Variants in DOCK1 observed in about 807,000 individuals in gnomAD.
DOCK1 encodes the protein dedicator of cytokinesis protein 1.
In DOCK1, 138 loss-of-function variants were observed where a neutral mutation model predicts 262.7. The observed-to-expected ratio is 0.53, with a 90% CI of 0.46 to 0.61. The LOEUF is 0.61. Among genes scored for constraint, DOCK1 ranks in the 20% least tolerant of loss-of-function variants. The probability of loss-of-function intolerance (pLI) is 0.00; values close to 1 mark genes in which losing one functional copy is unlikely to be tolerated. For synonymous variants in DOCK1, 866 were observed against 867.4 expected (o/e 1.00, Z 0.03); for missense variants, 1,908 against 2,370.7 (o/e 0.80, Z 4.05).
At chr10:127,374,862 C>T (rs1167728377) in intron 35 of DOCK1, among the ~76,000 whole-genome samples, 1 of 152,208 alleles carries the variant, frequency 6.6e-6, no homozygotes, top group Non-Finnish European at 1.5e-5. Context: ...GAAGGATCCC[C>T]CCCTAGAGCT....
intron 6 of DOCK1, among the ~76,000 whole-genome samples, chr10:126,991,518 GT>G (rs1176056258): frequency 4.7e-5 from 7 of 147,860 alleles, no homozygotes; most frequent in African/African-American, 7.4e-5. Flanking sequence ...AATCTCCAGT[GT>G]TTTTTTTTTG....
At chr10:127,148,706 G>A (rs2052167906) in intron 27 of DOCK1, among the ~76,000 whole-genome samples, 1 of 152,184 alleles carries the variant, frequency 6.6e-6, no homozygotes, top group Non-Finnish European at 1.5e-5. Flanking sequence ...AGCTGCTTAT[G>A]AGCAAAGATT....
chr10:127,356,254 C>A (rs2064138570), intron 32 of DOCK1, among the ~76,000 whole-genome samples: 1 of 152,148 alleles, frequency 6.6e-6, no homozygotes, highest in South Asian at 2.1e-4. Context: ...GGCTCAGAGT[C>A]AAGAGAGATG....
chr10:127,419,155 T>G (rs989253966), intron 45 of DOCK1, among the ~76,000 whole-genome samples: 1 of 152,204 alleles, frequency 6.6e-6, no homozygotes, highest in Non-Finnish European at 1.5e-5. Flanking sequence ...CCACAACACC[T>G]AAAATGTTTA....
intron 21 of DOCK1, among the ~76,000 whole-genome samples, chr10:127,045,680 C>G (rs1348759560): frequency 6.6e-6 from 1 of 152,192 alleles, no homozygotes; most frequent in Admixed American, 6.5e-5. Flanking sequence ...TCTGCGGCTC[C>G]CCTGCGTGGG....
At chr10:127,173,645 T>A (rs1486505065) in intron 27 of DOCK1, among the ~76,000 whole-genome samples, 3 of 152,174 alleles carry the variant, frequency 2.0e-5, no homozygotes. Flanking sequence ...TTTAATTCAC[T>A]ACCAACTATA....
At chr10:127,168,359 A>C (rs960298509) in intron 27 of DOCK1, among the ~76,000 whole-genome samples, 2 of 152,274 alleles carry the variant, frequency 1.3e-5, no homozygotes, top group Non-Finnish European at 2.9e-5. Flanking sequence ...CCATTCAAAT[A>C]GGGAGTGCTA....
intron 23 of DOCK1, among the ~76,000 whole-genome samples, chr10:127,090,412 G>A (rs2047447968): frequency 6.6e-6 from 1 of 152,160 alleles, no homozygotes; most frequent in Middle Eastern, 3.4e-3. Context: ...AGTATGCAAA[G>A]GTCACCCGGT....
chr10:126,985,220 C>G (rs182047654), intron 4 of DOCK1, among the ~76,000 whole-genome samples: 12 of 152,214 alleles, frequency 7.9e-5, no homozygotes, highest in Non-Finnish European at 1.6e-4. Flanking sequence ...ACCTCACGTG[C>G]TCTACCCGCT....
intron 29 of DOCK1, among the ~76,000 whole-genome samples, chr10:127,261,608 T>C (rs1441267402): frequency 8.8e-6 from 1 of 113,904 alleles, no homozygotes; most frequent in Non-Finnish European, 1.8e-5. Context: ...TGCCTGCATG[T>C]ACCCGTGCTC....
At position 127,439,081 on chromosome 10, in the gene DOCK1, G is replaced by T. The variant is rs1013901279; in HGVS notation, c.5115G>T (p.Lys1705Asn). 1.3e-5 allele frequency: 21 copies of T among 1,560,994 alleles called. No individual in the cohort carries two copies. The highest frequency in any genetic ancestry group is 1.8e-5 in the Non-Finnish European group (21 of 1,152,188). ...AAATGCACTCCAGGTCCCAGGACAAGCTGGACAAGGATGACCTGGAGAAGG... is the reference window on the plus strand; with the variant it reads ...AAATGCACTCCAGGTCCCAGGACAATCTGGACAAGGATGACCTGGAGAAGG... ...PKKMHSRSQD[K>N]LDKDDLEKEK... The change falls in exon 49 of 52, where the codon AAG becomes AAT. Residue 1705 changes from lysine to asparagine, a missense_variant. Lys to Asn is a moderately conservative substitution (Grantham distance 94). Around this residue, in one of 9 missense-constraint regions of DOCK1, gnomAD observed 383 missense variants for 420.1 expected, o/e 0.91. Coordinates refer to ENST00000623213, the MANE Select transcript of DOCK1 (RefSeq NM_001290223.2).
chr10:127,017,140 CACAGAT>C (rs2042024341), intron 12 of DOCK1, among the ~76,000 whole-genome samples: 1 of 134,966 alleles, frequency 7.4e-6, no homozygotes, highest in Non-Finnish European at 1.6e-5. Flanking sequence ...GACATACACA[CACAGAT>C]ACAGACACCA....
intron 27 of DOCK1, among the ~76,000 whole-genome samples, chr10:127,209,302 T>A (rs1240620103): frequency 6.6e-6 from 1 of 152,228 alleles, no homozygotes; most frequent in Non-Finnish European, 1.5e-5. Flanking sequence ...TGCATGTGCC[T>A]ATTTTAGGGC....
chr10:127,296,776 G>T (rs1299379550), intron 29 of DOCK1, among the ~76,000 whole-genome samples: 1 of 152,176 alleles, frequency 6.6e-6, no homozygotes, highest in Non-Finnish European at 1.5e-5. Flanking sequence ...ATGGGAAAGC[G>T]GTAGGGGGTG....
intron 2 of DOCK1, among the ~76,000 whole-genome samples, chr10:126,971,141 C>T (rs1435755877): frequency 6.6e-6 from 1 of 151,854 alleles, no homozygotes; most frequent in East Asian, 1.9e-4. Flanking sequence ...ACCTCTGCCT[C>T]CCAGGTACAA....
rs542186877 is a variant in DOCK1, at chr10:127,132,083, C to T, written c.2847+4319C>T. ...AACTGGGAATGTGATTATGCCCTGA[C>T]AGCTTCCCCCTATTAATGTAAGGAA... On this transcript the variant is annotated intron_variant, in intron 27 of 51. Transcript: ENST00000623213. Among the ~76,000 whole-genome samples, 12 of 152,332 alleles carry T rather than the reference C, an allele frequency of 7.9e-5. No homozygotes were observed. In the South Asian group the frequency reaches 2.5e-3, roughly 32 times the overall value.
intron 29 of DOCK1, among the ~76,000 whole-genome samples, chr10:127,284,913 G>A (rs2061092957): frequency 6.6e-6 from 1 of 152,142 alleles, no homozygotes; most frequent in African/African-American, 2.4e-5. Context: ...CAGGTGGATT[G>A]CTTGAGCCCA....
At chr10:127,304,132 G>A (rs1799803281) in intron 29 of DOCK1, among the ~76,000 whole-genome samples, 1 of 152,150 alleles carries the variant, frequency 6.6e-6, no homozygotes, top group Non-Finnish European at 1.5e-5. Flanking sequence ...GCCGGGTTCT[G>A]TGGCTGCTCA....
chr10:127,233,901 A>G (rs1333917188), intron 27 of DOCK1, among the ~76,000 whole-genome samples: 1 of 152,154 alleles, frequency 6.6e-6, no homozygotes, highest in African/African-American at 2.4e-5. Context: ...GCTCCATTTT[A>G]TTGTTGATCT....
Sources: allele counts gnomAD v4.1 joint callset (sites outside exome capture counted in the v4.1 genomes callset), GRCh38; gene constraint gnomAD v4.1.1; regional missense constraint gnomAD v4.1.1; transcripts MANE v1.5; gene names NCBI Gene and HGNC (gene_info 2026-07-23, HGNC 2026-07-21).